CHCHD2: variants seen among roughly 807,000 people sequenced by gnomAD.
CHCHD2 encodes coiled-coil-helix-coiled-coil-helix domain-containing protein 2.
In CHCHD2, 17 loss-of-function variants were observed where a neutral mutation model predicts 17.5. The observed-to-expected ratio is 0.97, with a 90% CI of 0.67 to 1.46. CHCHD2 has a LOEUF of 1.46. Among genes scored for constraint, CHCHD2 ranks in the 40% most tolerant of loss-of-function variants. The pLI, the probability that CHCHD2 is intolerant of heterozygous loss-of-function variation, is 0.00. For synonymous variants in CHCHD2, 63 were observed against 74.3 expected (o/e 0.85, Z 0.78); for missense variants, 175 against 199.9 (o/e 0.88, Z 0.75).
At chr7:56,105,698 G>A (rs1374399442) in intron 1 of CHCHD2, among the ~76,000 whole-genome samples, 3 of 152,206 alleles carry the variant, frequency 2.0e-5, no homozygotes, top group African/African-American at 7.2e-5. Context: ...GGCTGACGTG[G>A]TAGAATAGCT....
At chr7:56,105,998 C>T (rs956843634) in intron 1 of CHCHD2, among the ~76,000 whole-genome samples, 6 of 152,188 alleles carry the variant, frequency 3.9e-5, no homozygotes, top group East Asian at 1.9e-4. Flanking sequence ...TAACAAAAGA[C>T]TAATTATGTC....
At chr7:56,104,134 C>A in intron 2 of CHCHD2, 92 bp downstream of exon 2, 1 of 1,538,404 alleles carries the variant, frequency 6.5e-7, no homozygotes, top group South Asian at 1.2e-5. Flanking sequence ...GTTCTAAAAT[C>A]AAAGACAATT....
At chr7:56,106,257 GCCGC>G in intron 1 of CHCHD2, 103 bp downstream of exon 1, 2 of 1,041,390 alleles carry the variant, frequency 1.9e-6, no homozygotes, top group Admixed American at 2.8e-5. Context: ...GCGAGCCCAC[GCCGC>G]AGCCGACCTT....
rs755144061 is a variant in CHCHD2 at position 56,106,398 on chromosome 7, G to C, written c.16C>G (p.Arg6Gly). Residue 6 changes from arginine (R) to glycine (G), a missense_variant, in exon 1 of 4, where the codon CGA (arginine) becomes GGA (glycine). Transcript: ENST00000395422. ...GGGGCCATGCGGGAGGTGCGGCTTC[G>C]GCTTCCACGCGGCATCCTAGGTAAG... MPRGS[R>G]SRTSRMAPPA... The C allele has an allele frequency of 1.9e-6, 3 of 1,613,434 alleles. No homozygotes were observed. The highest frequency in any genetic ancestry group is 2.5e-6 in the Non-Finnish European group (3 of 1,179,738).
chr7:56,103,013 T>C lies in CHCHD2; in HGVS notation c.301-2A>G. 6.2e-7 allele frequency: 1 copy of C among 1,614,164 alleles called. No individual in the cohort carries two copies. The highest frequency in any genetic ancestry group is 8.5e-7 in the Non-Finnish European group (1 of 1,180,008). ...TGCTGGCTGGGTTCCCTGAGGCTCCTGCAAAGGCAAAACATTCAACATTGC... is the reference window on the plus strand; with the variant it reads ...TGCTGGCTGGGTTCCCTGAGGCTCCCGCAAAGGCAAAACATTCAACATTGC... On this transcript the variant is annotated splice_acceptor_variant, in intron 2 of 3. Transcript: ENST00000395422. LOFTEE classifies it high-confidence loss of function.
chr7:56,101,880 A>T lies in CHCHD2; in HGVS notation c.446-19T>A, dbSNP rs1296288265. The T allele has an allele frequency of 1.9e-6, 3 of 1,612,126 alleles. No homozygotes were observed. The highest frequency in any genetic ancestry group is 2.5e-6 in the Non-Finnish European group (3 of 1,178,770). The stretch of plus-strand genomic sequence containing the variant: ...GCCAATCCTGCAAACAGAAAAGATT[A>T]AGTTAGAAGAATGCTAGCTTCGTAT... On this transcript the variant is annotated intron_variant, in intron 3 of 3. Coordinates refer to ENST00000395422, the MANE Select transcript of CHCHD2 (RefSeq NM_016139.4).
chr7:56,101,912 TA>T, intron 3 of CHCHD2, 51 bp from the exon 4 acceptor site: 1 of 1,565,736 alleles, frequency 6.4e-7, no homozygotes, highest in Non-Finnish European at 8.7e-7. Context: ...GTATACTCAA[TA>T]AAACAGAAGC....
intron 1 of CHCHD2, among the ~76,000 whole-genome samples, chr7:56,105,585 G>C (rs1785368407): frequency 1.3e-5 from 2 of 152,184 alleles, no homozygotes; most frequent in East Asian, 3.8e-4. Context: ...AGACCAGCCA[G>C]GGCCACATAA....
Position 56,104,264 on chromosome 7 carries a change from T to C in CHCHD2, c.262A>G (p.Ser88Gly). The C allele has an allele frequency of 6.2e-7, 1 of 1,613,728 alleles. No individual in the cohort carries two copies. Among genetic ancestry groups the C allele is most frequent in the Non-Finnish European group, 8.5e-7 (1 of 1,179,652 alleles). ...HAITGGFSGG[S>G]NAEPARPDIT... ...TCAGGCCTCGCAGGCTCAGCATTAC[T>C]TCCTCCACTGAAGCCCCCAGTAATG... The change falls in exon 2 of 4, where the codon AGT (serine) becomes GGT (glycine). Residue 88 changes from serine to glycine, a missense_variant. Transcript: ENST00000395422.
Position 56,102,886 on chromosome 7 carries a change from T to C in CHCHD2, c.426A>G (p.Lys142=). The C allele has an allele frequency of 6.2e-7, 1 of 1,614,018 alleles. No individual in the cohort carries two copies. The highest frequency in any genetic ancestry group is 1.3e-5 in the African/African-American group (1 of 75,044). ...KLCEGFNEVL[K]QCRLANGLA is the part of the protein sequence containing the mutation. ...ACCTACCGTTTGCAAGTCGGCACTG[T>C]TTCAGCACCTCATTGAAACCCTCAC... Residue 142 remains lysine (K), a synonymous_variant, in exon 3 of 4, where the codon AAA becomes AAG. Transcript: ENST00000395422.
intron 1 of CHCHD2, 60 bp from the exon 2 acceptor site, chr7:56,104,535 A>G: frequency 7.1e-7 from 1 of 1,403,630 alleles, no homozygotes; most frequent in Non-Finnish European, 9.5e-7. Context: ...GGAAATTGTC[A>G]ACTTAAAATA....
intron 1 of CHCHD2, among the ~76,000 whole-genome samples, chr7:56,105,013 C>T (rs1383529536): frequency 1.3e-5 from 2 of 151,738 alleles, no homozygotes; most frequent in East Asian, 1.9e-4. Flanking sequence ...TGGGTTCAAC[C>T]GATTCTTCTG....
chr7:56,101,882 G>A (rs1332763784), intron 3 of CHCHD2, 21 bp from the exon 4 acceptor site: 2 of 1,612,144 alleles, frequency 1.2e-6, no homozygotes, highest in Non-Finnish European at 8.5e-7. Context: ...AAAAGATTAA[G>A]TTAGAAGAAT....
At chr7:56,106,302 G>C (rs1785383095) in intron 1 of CHCHD2, 62 bp downstream of exon 1, 9 of 1,524,492 alleles carry the variant, frequency 5.9e-6, no homozygotes, top group Non-Finnish European at 8.0e-6. Context: ...CTCCCTCTGC[G>C]TCATTGCCCC....
chr7:56,106,285 C>T, intron 1 of CHCHD2, 79 bp downstream of exon 1: 1 of 1,418,778 alleles, frequency 7.0e-7, no homozygotes, highest in Non-Finnish European at 9.7e-7. Flanking sequence ...TCACCCCCGC[C>T]CGCGGCCTCC....
At position 56,104,379 on chromosome 7, in the gene CHCHD2, C is replaced by T. The variant is rs779261129; in HGVS notation, c.147G>A (p.Ala49=). ...GGGCCATCAGACCTGGCTGCCGGGG[C>T]GCAGCAGCAGAAGAGCCAACTGCAG... ...PPSAVGSSAA[A]PRQPGLMAQM... is the part of the protein sequence containing the mutation. Residue 49 remains alanine, a synonymous_variant, in exon 2 of 4, where the codon GCG becomes GCA. Transcript: ENST00000395422. 12 of 1,612,174 alleles carry T rather than the reference C, an allele frequency of 7.4e-6. No homozygotes were observed. Among genetic ancestry groups the T allele is most frequent in the Admixed American group, 5.0e-5 (3 of 59,922 alleles).
chr7:56,104,149 C>T, intron 2 of CHCHD2, 77 bp downstream of exon 2: 3 of 1,563,900 alleles, frequency 1.9e-6, no homozygotes, highest in Non-Finnish European at 2.6e-6. Flanking sequence ...ACAATTCCTA[C>T]ACTTAAGGAA....
chr7:56,106,059 C>T (rs1785377144), intron 1 of CHCHD2, among the ~76,000 whole-genome samples: 1 of 152,198 alleles, frequency 6.6e-6, no homozygotes, highest in Non-Finnish European at 1.5e-5. Flanking sequence ...CTGACCATTT[C>T]CGGATTATTT....
chr7:56,102,868 G>C lies in CHCHD2; in HGVS notation c.444C>G (p.Asn148Lys), dbSNP rs758536733. Reference protein sequence around the residue: ...NEVLKQCRLANGLA With the variant: ...NEVLKQCRLAKGLA ...ATGTAAATTGGACAAATTACCTACC[G>C]TTTGCAAGTCGGCACTGTTTCAGCA... is the stretch of plus-strand genomic sequence containing the variant. Residue 148 changes from asparagine (N) to lysine (K), a missense_variant and splice_region_variant, in exon 3 of 4, where the codon AAC becomes AAG. Physicochemically the swap from Asn to Lys is moderately conservative, Grantham distance 94 (BLOSUM62 0). Coordinates refer to ENST00000395422, the MANE Select transcript of CHCHD2 (RefSeq NM_016139.4). The C allele has an allele frequency of 6.2e-7, 1 of 1,613,878 alleles. No individual in the cohort carries two copies. Among genetic ancestry groups the C allele is most frequent in the South Asian group, 1.1e-5 (1 of 91,068 alleles).
Sources: allele counts gnomAD v4.1 joint callset (sites outside exome capture counted in the v4.1 genomes callset), GRCh38; gene constraint gnomAD v4.1.1; transcripts MANE v1.5; gene names NCBI Gene and HGNC (gene_info 2026-07-23, HGNC 2026-07-21).